KCNIP2: variants seen among roughly 807,000 people sequenced by gnomAD.
KCNIP2 encodes potassium voltage-gated channel interacting protein 2, also known as A-type potassium channel modulatory protein KCNIP2.
In KCNIP2, 19 loss-of-function variants were observed where a neutral mutation model predicts 39.0. The observed-to-expected ratio is 0.49, with a 90% CI of 0.34 to 0.71. KCNIP2 has a LOEUF of 0.71. Ranked by LOEUF, KCNIP2 falls within the 30% of genes least tolerant of loss-of-function variation. The pLI is 0.01. For synonymous variants in KCNIP2, 111 were observed against 131.2 expected, an observed-to-expected ratio of 0.85 and a Z score of 1.05; for missense variants, 261 against 346.0, an observed-to-expected ratio of 0.75 and a Z score of 1.95.
chr10:101,843,239 A>C lies in KCNIP2; in HGVS notation c.73+257T>G, dbSNP rs1182816857. 6.6e-6 allele frequency among the ~76,000 whole-genome samples: 1 copy of C among 151,676 alleles called. No homozygotes were observed. The highest frequency in any genetic ancestry group is 2.4e-5 in the African/African-American group (1 of 41,268). ...GGTGCTCACGCACGTAACACCTCCC[A>C]CTCCAGACACCCTCTCAGCCCTGTG... is the stretch of plus-strand genomic sequence containing the variant. On this transcript the variant is annotated intron_variant, in intron 1 of 9. Transcript: ENST00000356640. The surrounding 1 kb of genome is among the most constrained non-coding windows in gnomAD (Gnocchi z 6.7).
rs202200570 is a variant in KCNIP2, at chr10:101,828,630, C to A, written c.415G>T (p.Gly139Ter). 5 of 1,613,964 alleles carry A rather than the reference C, an allele frequency of 3.1e-6. No homozygotes were observed. Among genetic ancestry groups the A allele is most frequent in the African/African-American group, 1.3e-5 (1 of 74,904 alleles). ...CCCTTGGGCCTTGTCCCCTCACCTC[C>A]TTGAGGAAAGAACTGGGAGTAAATC... ...KQIYSQFFPQ[G>*]DSSTYATFLF... Residue 139 changes from glycine to a stop codon, truncating the protein, a stop_gained, in exon 5 of 10, where the codon GGA becomes TGA. Coordinates refer to ENST00000356640, the MANE Select transcript of KCNIP2 (RefSeq NM_173191.3). LOFTEE classifies it high-confidence loss of function. The surrounding 1 kb of genome is among the most constrained non-coding windows in gnomAD (Gnocchi z 6.6).
At chr10:101,831,977 G>T (rs2066006115) in intron 1 of KCNIP2, among the ~76,000 whole-genome samples, 1 of 152,052 alleles carries the variant, frequency 6.6e-6, no homozygotes, top group East Asian at 1.9e-4. Flanking sequence ...ATTTTTCCTG[G>T]GTACACCCAC....
At chr10:101,829,990 C>G in intron 2 of KCNIP2, 93 bp from the exon 3 acceptor site, 3 of 1,449,212 alleles carry the variant, frequency 2.1e-6, no homozygotes, top group Non-Finnish European at 1.9e-6. Context: ...ACCTCACAAC[C>G]CAGCCCGTGC....
Position 101,829,867 on chromosome 10 carries a change from T to TG in KCNIP2, c.199dup (p.His67ProfsTer14), listed in dbSNP as rs1406293050. ...ACCTGGGTCCAGCAGGCGGGGTCTG[T>TG]GGGGGCGGAGGGAGGCTGGGGCGGC... On this transcript the variant is annotated frameshift_variant, in exon 3 of 10. Coordinates refer to ENST00000356640, the MANE Select transcript of KCNIP2 (RefSeq NM_173191.3). LOFTEE classifies it high-confidence loss of function. The TG allele has an allele frequency of 6.7e-7, 1 of 1,487,988 alleles. No individual in the cohort carries two copies. Among genetic ancestry groups the TG allele is most frequent in the African/African-American group, 1.5e-5 (1 of 67,072 alleles). 92.2% of individuals were successfully genotyped at this position (1,487,988 alleles called of 1,614,324 possible).
intron 9 of KCNIP2, 130 bp from the exon 10 acceptor site, chr10:101,827,530 G>C: frequency 7.8e-7 from 1 of 1,287,766 alleles, no homozygotes; most frequent in Non-Finnish European, 1.1e-6. Context: ...TGCCCAGAGA[G>C]ACCTGAGGTA....
chr10:101,842,961 C>T (rs1020124733), intron 1 of KCNIP2, among the ~76,000 whole-genome samples: 6 of 152,228 alleles, frequency 3.9e-5, no homozygotes, highest in Non-Finnish European at 8.8e-5. Flanking sequence ...AGAGCCCTGA[C>T]ACATTCTGGT....
chr10:101,827,127 G>T lies in KCNIP2; in HGVS notation c.*226C>A. Reference sequence around the variant, plus strand: ...ACACTGGGTGTCAGGCAGGAAGGGGGTGAGAGCTGGTGGGAGTTGGGAACA... The same window carrying T: ...ACACTGGGTGTCAGGCAGGAAGGGGTTGAGAGCTGGTGGGAGTTGGGAACA... On this transcript the variant is annotated 3_prime_UTR_variant, in exon 10 of 10. Transcript: ENST00000356640. 2 of 1,087,226 alleles carry T rather than the reference G, an allele frequency of 1.8e-6. No individual in the cohort carries two copies. The highest frequency in any genetic ancestry group is 1.6e-5 in the African/African-American group (1 of 62,688). 67.3% of individuals were successfully genotyped at this position (1,087,226 alleles called of 1,614,324 possible).
Position 101,838,133 on chromosome 10 carries a change from T to A in KCNIP2, c.73+5363A>T, listed in dbSNP as rs1045100584. On this transcript the variant is annotated intron_variant, in intron 1 of 9. Transcript: ENST00000356640. This position sits in a 1 kb window ranked among gnomAD's most constrained non-coding sequence, Gnocchi z 4.0. ...TCAGAGACTTCTCAAGTCCTCGGGTTCAGTGAGAAACTTGCCAGATCCATC... is the reference window on the plus strand; with the variant it reads ...TCAGAGACTTCTCAAGTCCTCGGGTACAGTGAGAAACTTGCCAGATCCATC... Among the ~76,000 whole-genome samples the A allele has an allele frequency of 6.6e-6, 1 of 152,220 alleles. No individual in the cohort carries two copies. Among genetic ancestry groups the A allele is most frequent in the Non-Finnish European group, 1.5e-5 (1 of 68,038 alleles).
intron 1 of KCNIP2, among the ~76,000 whole-genome samples, chr10:101,831,393 A>G (rs1357224933): frequency 6.6e-6 from 1 of 152,152 alleles, no homozygotes; most frequent in East Asian, 1.9e-4. Flanking sequence ...GGCCGGTGAC[A>G]GCGAGGCGGC....
chr10:101,839,517 C>CT (rs2135201683), intron 1 of KCNIP2, among the ~76,000 whole-genome samples: 1 of 152,186 alleles, frequency 6.6e-6, no homozygotes, highest in South Asian at 2.1e-4. Flanking sequence ...TGTGAGGGAC[C>CT]TTGATGCCCC....
rs1357761665 is a variant in KCNIP2, at chr10:101,838,104, C to T, written c.73+5392G>A. On this transcript the variant is annotated intron_variant, in intron 1 of 9. Transcript: ENST00000356640. This position sits in a 1 kb window ranked among gnomAD's most constrained non-coding sequence, Gnocchi z 4.0. ...TATTTTTCCAGGCTGTCCCTTCTCC[C>T]CACTCAGAGACTTCTCAAGTCCTCG... Among the ~76,000 whole-genome samples the T allele has an allele frequency of 6.6e-6, 1 of 152,230 alleles. No homozygotes were observed. Among genetic ancestry groups the T allele is most frequent in the Non-Finnish European group, 1.5e-5 (1 of 68,036 alleles).
At chr10:101,827,826 C>A in intron 8 of KCNIP2, 63 bp downstream of exon 8, 1 of 1,543,910 alleles carries the variant, frequency 6.5e-7, no homozygotes, top group Non-Finnish European at 9.0e-7. Context: ...GGTGAGTTCC[C>A]TGCTGGTTCT....
Position 101,838,825 on chromosome 10 carries a change from T to C in KCNIP2, c.73+4671A>G, listed in dbSNP as rs1269526775. Among the ~76,000 whole-genome samples, 3 of 152,144 alleles carry C rather than the reference T, an allele frequency of 2.0e-5. No homozygotes were observed. The highest frequency in any genetic ancestry group is 7.2e-5 in the African/African-American group (3 of 41,428). On this transcript the variant is annotated intron_variant, in intron 1 of 9. Transcript: ENST00000356640. The surrounding 1 kb of genome is among the most constrained non-coding windows in gnomAD (Gnocchi z 4.0). ...ATGGAGAGAGCCAGAAAATGACAGA[T>C]CTCAGAATGCCACAGGACCAGGTTG...
intron 2 of KCNIP2, chr10:101,830,385 T>C (rs1231158986): frequency 7.8e-7 from 1 of 1,281,306 alleles, no homozygotes; most frequent in Non-Finnish European, 1.0e-6. Flanking sequence ...CAAAACACGG[T>C]GGGGAAGGGG....
chr10:101,840,550 A>ACCCCCCCCCCCCTC (rs5787446), intron 1 of KCNIP2, among the ~76,000 whole-genome samples: 1 of 95,966 alleles, frequency 1.0e-5, no homozygotes, highest in East Asian at 3.3e-4. Flanking sequence ...CCCCCCCCGC[A>ACCCCCCCCCCCCTC]CCCCCCCCCC....
intron 2 of KCNIP2, among the ~76,000 whole-genome samples, chr10:101,830,681 C>A (rs1407015148): frequency 2.8e-5 from 4 of 145,196 alleles, no homozygotes; most frequent in Non-Finnish European, 4.5e-5. Context: ...CTGGTCACGC[C>A]CACACACACA....
rs146114199 is a variant in KCNIP2 at position 101,839,093 on chromosome 10, C to T, written c.73+4403G>A. Among the ~76,000 whole-genome samples the T allele has an allele frequency of 6.6e-5, 10 of 152,300 alleles. No homozygotes were observed. The East Asian group carries it at 7.7e-4, about 12-fold the overall frequency. ...GTCCTAAAGTACAGAACTCCAGGTA[C>T]ACACAGTCTCAGTGTCACAGAATCC... On this transcript the variant is annotated intron_variant, in intron 1 of 9. Transcript: ENST00000356640.
At position 101,829,414 on chromosome 10, in the gene KCNIP2, C is replaced by T. The variant is rs530092374; in HGVS notation, c.224-215G>A. ...ATCAGCGGGCCAAGGCCTGGCCTGG[C>T]CCCAGAGCCAGGGATCCGACTCAGT... On this transcript the variant is annotated intron_variant, in intron 3 of 9. Transcript: ENST00000356640. The T allele has an allele frequency of 8.6e-6, 5 of 583,924 alleles. No individual in the cohort carries two copies. The East Asian group carries it at 1.7e-4, about 19-fold the overall frequency. The allele number at this position is 583,924 out of a possible 1,614,324, so 36.2% of individuals were successfully genotyped here.
In KCNIP2 at chr10:101,838,784, G is replaced by A. The variant is rs762454663; in HGVS notation, c.73+4712C>T. ...CACAGGCCCTATCTATACTCCAGGG[G>A]CTCAAGTGGATACCCATGGAGAGAG... On this transcript the variant is annotated intron_variant, in intron 1 of 9. Coordinates refer to ENST00000356640, the MANE Select transcript of KCNIP2 (RefSeq NM_173191.3). The surrounding 1 kb of genome is among the most constrained non-coding windows in gnomAD (Gnocchi z 4.0). Among the ~76,000 whole-genome samples the A allele has an allele frequency of 3.9e-5, 6 of 152,340 alleles. No homozygotes were observed. The highest frequency in any genetic ancestry group is 4.8e-5 in the African/African-American group (2 of 41,576).
Sources: allele counts gnomAD v4.1 joint callset (sites outside exome capture counted in the v4.1 genomes callset), GRCh38; gene constraint gnomAD v4.1.1; non-coding constraint Gnocchi (gnomAD v3.1); transcripts MANE v1.5; gene names NCBI Gene and HGNC (gene_info 2026-07-23, HGNC 2026-07-21).